Variants in GLT8D2 observed in about 807,000 individuals in gnomAD.
GLT8D2 encodes the protein glycosyltransferase 8 domain-containing protein 2.
In GLT8D2, 45 loss-of-function variants were observed where a neutral mutation model predicts 44.5. That is an observed-to-expected ratio of 1.01 (90% CI 0.80 to 1.30). The LOEUF (loss-of-function observed/expected upper bound fraction) is 1.30. GLT8D2 is among the 50% of genes most tolerant of loss of function. The pLI is 0.00. For missense variants in GLT8D2, 400 were observed against 430.4 expected (o/e 0.93, Z 0.62); for synonymous variants, 156 against 157.2 (o/e 0.99, Z 0.06).
intron 3 of GLT8D2, among the ~76,000 whole-genome samples, chr12:104,015,837 AC>A (rs931859042): frequency 6.6e-6 from 1 of 151,904 alleles, no homozygotes; most frequent in Admixed American, 6.6e-5. Context: ...CCCTATCTCT[AC>A]TAAATTATAC....
chr12:103,992,632 G>A (rs1481587048), intron 10 of GLT8D2, among the ~76,000 whole-genome samples: 1 of 151,658 alleles, frequency 6.6e-6, no homozygotes, highest in African/African-American at 2.4e-5. Flanking sequence ...AGCTGGGATT[G>A]CAGGTGCCTG....
At chr12:104,014,953 G>A (rs988892550) in intron 4 of GLT8D2, 60 bp downstream of exon 4, 2 of 1,205,480 alleles carry the variant, frequency 1.7e-6, no homozygotes, top group African/African-American at 1.5e-5. Flanking sequence ...AGGACCTAGA[G>A]GAACATATTC....
chr12:104,006,214 C>T (rs1874989856), intron 4 of GLT8D2, among the ~76,000 whole-genome samples: 1 of 133,902 alleles, frequency 7.5e-6, no homozygotes, highest in South Asian at 2.4e-4. Flanking sequence ...AGGGGAACAT[C>T]ACATACCAGG....
At position 104,015,118 on chromosome 12, in the gene GLT8D2, T is replaced by G; in HGVS notation, c.20-13A>C. 1 of 1,593,142 alleles carries G rather than the reference T, an allele frequency of 6.3e-7. No homozygotes were observed. ...AGCACCTGATTAACTGAAATAGAAA[T>G]GGAAACACATTAACATTGAACCTAT... is the stretch of plus-strand genomic sequence containing the variant. On this transcript the variant is annotated splice_polypyrimidine_tract_variant and intron_variant, in intron 3 of 10. Coordinates refer to ENST00000360814, the MANE Select transcript of GLT8D2 (RefSeq NM_001384711.1).
chr12:104,062,430 A>T (rs930908242), intron 1 of GLT8D2, among the ~76,000 whole-genome samples: 4 of 152,066 alleles, frequency 2.6e-5, no homozygotes, highest in Middle Eastern at 3.2e-3. Context: ...TAGATAGATG[A>T]GAAGGTGGAG....
At position 104,059,955 on chromosome 12, in the gene GLT8D2, CAT is replaced by C. The variant is rs1213532716; in HGVS notation, c.-423+3992_-423+3993del. Among the ~76,000 whole-genome samples the C allele has an allele frequency of 2.0e-5, 3 of 152,214 alleles. No homozygotes were observed. In the East Asian group the frequency reaches 5.8e-4, roughly 29 times the overall value. Reference sequence around the variant, plus strand: ...AAGTCTCTGTAAAGAATAGACTACACATGTTATCCGCATTTTCTAACTCATGC... The same window carrying C: ...AAGTCTCTGTAAAGAATAGACTACACGTTATCCGCATTTTCTAACTCATGC... On this transcript the variant is annotated intron_variant, in intron 1 of 10. Transcript: ENST00000548660.
chr12:104,004,358 C>T (rs558222744), intron 4 of GLT8D2, among the ~76,000 whole-genome samples: 54 of 152,160 alleles, frequency 3.5e-4, no homozygotes, highest in African/African-American at 9.6e-4. Flanking sequence ...CTATTCAACA[C>T]AGTGTTGGAA....
At chr12:104,036,725 AC>A (rs941663572) in intron 1 of GLT8D2, among the ~76,000 whole-genome samples, 1 of 152,180 alleles carries the variant, frequency 6.6e-6, no homozygotes, top group Non-Finnish European at 1.5e-5. Context: ...AGACTTTAAC[AC>A]CCCACTGTCA....
chr12:103,990,262 G>C (rs1298493055), intron 10 of GLT8D2, among the ~76,000 whole-genome samples: 2 of 151,504 alleles, frequency 1.3e-5, no homozygotes, highest in African/African-American at 2.4e-5. Flanking sequence ...AGTTTATAGG[G>C]GTTCTTTTTT....
Position 104,015,027 on chromosome 12 carries a change from G to C in GLT8D2, c.98C>G (p.Pro33Arg), listed in dbSNP as rs1250341217. The change falls in exon 4 of 11, where the codon CCC (proline) becomes CGC (arginine). Residue 33 changes from proline to arginine, a missense_variant. Coordinates refer to ENST00000360814, the MANE Select transcript of GLT8D2 (RefSeq NM_001384711.1). ...LYKKVHKGTV[P>R]KNDADDESET... The stretch of plus-strand genomic sequence containing the variant: ...TGTCTGCTCACCTGCGTCATTCTTG[G>C]GCACAGTCCCCTTATGAACTTTCTT... The C allele has an allele frequency of 6.2e-7, 1 of 1,612,342 alleles. No individual in the cohort carries two copies. Among genetic ancestry groups the C allele is most frequent in the Non-Finnish European group, 8.5e-7 (1 of 1,178,526 alleles).
At chr12:104,060,829 G>A (rs1882583163) in intron 1 of GLT8D2, among the ~76,000 whole-genome samples, 2 of 152,102 alleles carry the variant, frequency 1.3e-5, no homozygotes. Context: ...AAGCTGAGGT[G>A]GGAGGATCAC....
chr12:104,008,996 G>A (rs767757724), intron 4 of GLT8D2, among the ~76,000 whole-genome samples: 5 of 152,252 alleles, frequency 3.3e-5, no homozygotes, highest in Non-Finnish European at 7.3e-5. Context: ...TGCTGCAGGG[G>A]CGGGGGCCTC....
chr12:104,002,211 G>A (rs1566192903), intron 5 of GLT8D2, among the ~76,000 whole-genome samples: 1 of 152,058 alleles, frequency 6.6e-6, no homozygotes, highest in Non-Finnish European at 1.5e-5. Context: ...CTTTTTCCTT[G>A]GCTTCCCAAA....
At chr12:104,035,214 C>A (rs1879794868) in intron 1 of GLT8D2, among the ~76,000 whole-genome samples, 1 of 152,140 alleles carries the variant, frequency 6.6e-6, no homozygotes, top group Non-Finnish European at 1.5e-5. Context: ...TGGGGAGAAA[C>A]CAGAGCAGAA....
chr12:104,029,390 T>C (rs1201728377), intron 1 of GLT8D2, among the ~76,000 whole-genome samples: 1 of 152,204 alleles, frequency 6.6e-6, no homozygotes, highest in Non-Finnish European at 1.5e-5. Context: ...GGCATTAATG[T>C]TAAATTTCCT....
At chr12:104,048,756 A>C (rs1881425180) in intron 1 of GLT8D2, among the ~76,000 whole-genome samples, 2 of 152,242 alleles carry the variant, frequency 1.3e-5, no homozygotes, top group South Asian at 4.1e-4. Flanking sequence ...ATGCATGATC[A>C]CTTTTGTCAC....
At chr12:104,052,255 G>C (rs1276565169), upstream of GLT8D2, among the ~76,000 whole-genome samples, 3 of 152,202 alleles carry the variant, frequency 2.0e-5, no homozygotes, top group African/African-American at 7.2e-5. Context: ...TCTTAGATAT[G>C]AACTTTGAAG....
At chr12:104,034,717 T>C (rs1423295939) in intron 1 of GLT8D2, among the ~76,000 whole-genome samples, 2 of 152,258 alleles carry the variant, frequency 1.3e-5, no homozygotes, top group Non-Finnish European at 2.9e-5. Context: ...GGGCAGGGCA[T>C]AGCTGAACAA....
chr12:104,044,577 T>C (rs1307047900), intron 1 of GLT8D2, among the ~76,000 whole-genome samples: 1 of 152,156 alleles, frequency 6.6e-6, no homozygotes, highest in Non-Finnish European at 1.5e-5. Flanking sequence ...GGTTCTCAGA[T>C]TCCTCTTCAA....
Sources: allele counts gnomAD v4.1 joint callset (sites outside exome capture counted in the v4.1 genomes callset), GRCh38; gene constraint gnomAD v4.1.1; transcripts MANE v1.5; gene names NCBI Gene and HGNC (gene_info 2026-07-23, HGNC 2026-07-21).